The following DNAI3 variants were observed in gnomAD, a reference collection of about 807,000 sequenced individuals.
DNAI3 encodes dynein axonemal intermediate chain 3.
Under a neutral mutation model 115.5 loss-of-function variants are expected in DNAI3, and 83 were observed. The observed-to-expected ratio is 0.72, with a 90% confidence interval of 0.60 to 0.86. DNAI3 has a LOEUF of 0.86. DNAI3 is among the 40% of genes least tolerant of loss of function. The probability of loss-of-function intolerance (pLI) is 0.00; values close to 1 mark genes in which losing one functional copy is unlikely to be tolerated. For synonymous variants in DNAI3, 320 were observed against 347.0 expected, an observed-to-expected ratio of 0.92 and a Z score of 0.86; for missense variants, 1,004 against 1,075.8, an observed-to-expected ratio of 0.93 and a Z score of 0.93.
intron 3 of DNAI3, among the ~76,000 whole-genome samples, chr1:85,075,633 A>C (rs952269278): frequency 6.6e-6 from 1 of 152,148 alleles, no homozygotes; most frequent in Non-Finnish European, 1.5e-5. Flanking sequence ...TTTTCTAACA[A>C]GGAGCCAAGG....
intron 19 of DNAI3, among the ~76,000 whole-genome samples, 198 bp downstream of exon 19, chr1:85,124,449 AG>A (rs2100614631): frequency 6.6e-6 from 1 of 152,252 alleles, no homozygotes; most frequent in South Asian, 2.1e-4. Context: ...TTCCTTCCTG[AG>A]GGGAGAAAAC....
intron 16 of DNAI3, among the ~76,000 whole-genome samples, chr1:85,114,244 C>T (rs1348250950): frequency 6.6e-6 from 1 of 152,078 alleles, no homozygotes; most frequent in East Asian, 1.9e-4. Flanking sequence ...AACTCTTGAC[C>T]TCAGGTAATC....
intron 10 of DNAI3, among the ~76,000 whole-genome samples, chr1:85,095,106 A>T (rs560123353): frequency 6.6e-6 from 1 of 152,128 alleles, no homozygotes; most frequent in South Asian, 2.1e-4. Flanking sequence ...ACACACAAAA[A>T]CCCCACTCAA....
intron 1 of DNAI3, 114 bp from the exon 2 acceptor site, chr1:85,071,814 G>T: frequency 9.5e-7 from 1 of 1,055,508 alleles, no homozygotes; most frequent in Non-Finnish European, 1.4e-6. Context: ...TTAGCCCAGG[G>T]TAAATCTTAG....
intron 3 of DNAI3, among the ~76,000 whole-genome samples, chr1:85,078,357 C>G (rs11161520): frequency 0.57 from 86,672 of 152,096 alleles, 24,733 homozygotes; most frequent in Non-Finnish European, 0.58. Flanking sequence ...TAATAATACA[C>G]ATAAAGTGCT....
intron 1 of DNAI3, among the ~76,000 whole-genome samples, chr1:85,065,386 C>A (rs117432022): frequency 6.6e-6 from 1 of 152,042 alleles, no homozygotes; most frequent in Admixed American, 6.6e-5. Flanking sequence ...AAGATGCATG[C>A]GGTAGTAAAC....
chr1:85,116,501 A>G lies in DNAI3; in HGVS notation c.1787-1228A>G, dbSNP rs201653038. Among the ~76,000 whole-genome samples, 21 of 152,338 alleles carry G rather than the reference A, an allele frequency of 1.4e-4. 1 individual carries two copies. In the East Asian group the frequency reaches 4.0e-3, roughly 29 times the overall value. On this transcript the variant is annotated intron_variant, in intron 16 of 22. Coordinates refer to ENST00000294664, the MANE Select transcript of DNAI3 (RefSeq NM_145172.5). ...GAGTTCAGATTCTCAATGTATGTAT[A>G]TGTATTTACAAATTATATACATATT...
intron 5 of DNAI3, among the ~76,000 whole-genome samples, chr1:85,083,033 A>C (rs1333036923): frequency 6.6e-6 from 1 of 152,182 alleles, no homozygotes; most frequent in Non-Finnish European, 1.5e-5. Context: ...AAGGTGGGTA[A>C]GAAAGGTAAC....
At chr1:85,079,952 G>A (rs1237345869) in intron 3 of DNAI3, among the ~76,000 whole-genome samples, 4 of 151,684 alleles carry the variant, frequency 2.6e-5, no homozygotes, top group Admixed American at 2.6e-4. Flanking sequence ...GTGAGGAATT[G>A]AGTAACAGTA....
intron 7 of DNAI3, among the ~76,000 whole-genome samples, chr1:85,089,210 A>T (rs1654889275): frequency 6.6e-6 from 1 of 152,018 alleles, no homozygotes; most frequent in Admixed American, 6.6e-5. Flanking sequence ...TAGCTACTTG[A>T]ATAATTTCAT....
At chr1:85,078,631 T>C (rs1654535767) in intron 3 of DNAI3, among the ~76,000 whole-genome samples, 2 of 152,214 alleles carry the variant, frequency 1.3e-5, no homozygotes, top group African/African-American at 2.4e-5. Context: ...GCCTACCCAA[T>C]AGCAGTTGTT....
Position 85,117,868 on chromosome 1 carries a change from G to C in DNAI3, c.1917+9G>C, listed in dbSNP as rs1317064313. 1.2e-6 allele frequency: 2 copies of C among 1,608,084 alleles called. No homozygotes were observed. Among genetic ancestry groups the C allele is most frequent in the South Asian group, 1.1e-5 (1 of 89,492 alleles). On this transcript the variant is annotated intron_variant, in intron 17 of 22. Coordinates refer to ENST00000294664, the MANE Select transcript of DNAI3 (RefSeq NM_145172.5). ...TCTTTGTGGGAACAGAGGTAAATTG[G>C]GATTATCTGCTTTTAAAATTAATAC...
At chr1:85,100,566 G>A (rs1206647766) in intron 13 of DNAI3, among the ~76,000 whole-genome samples, 6 of 152,244 alleles carry the variant, frequency 3.9e-5, no homozygotes, top group African/African-American at 4.8e-5. Flanking sequence ...ACAGTGTGGC[G>A]ATTCCTCAAG....
At chr1:85,127,277 A>C (rs1656176070) in intron 20 of DNAI3, among the ~76,000 whole-genome samples, 1 of 152,218 alleles carries the variant, frequency 6.6e-6, no homozygotes, top group African/African-American at 2.4e-5. Context: ...TATGAGGAAA[A>C]ACTACTATAT....
intron 20 of DNAI3, among the ~76,000 whole-genome samples, chr1:85,128,148 AAAG>A (rs1557728767): frequency 8.4e-6 from 1 of 119,056 alleles, no homozygotes; most frequent in Non-Finnish European, 1.7e-5. Flanking sequence ...AAAAAAAAAA[AAAG>A]AAGAAGAAGA....
At chr1:85,130,404 T>C (rs1656276858) in intron 22 of DNAI3, among the ~76,000 whole-genome samples, 1 of 152,172 alleles carries the variant, frequency 6.6e-6, no homozygotes, top group Admixed American at 6.5e-5. Context: ...TAATATCTGG[T>C]GAATAATGCA....
chr1:85,077,210 G>A (rs532546715), intron 3 of DNAI3, among the ~76,000 whole-genome samples: 16 of 152,172 alleles, frequency 1.1e-4, no homozygotes, highest in Non-Finnish European at 2.4e-4. Flanking sequence ...CAGTGGAGAA[G>A]GGATAGTCTT....
intron 14 of DNAI3, among the ~76,000 whole-genome samples, chr1:85,106,221 G>A (rs1655487827): frequency 6.6e-6 from 1 of 152,064 alleles, no homozygotes; most frequent in South Asian, 2.1e-4. Context: ...TAACTTTGAT[G>A]AAACACCAAA....
At chr1:85,125,165 T>C (rs541791247) in intron 19 of DNAI3, among the ~76,000 whole-genome samples, 45 of 152,208 alleles carry the variant, frequency 3.0e-4, no homozygotes, top group African/African-American at 1.0e-3. Context: ...TTTGGTGGGA[T>C]TGTAAGTTGA....
Sources: allele counts gnomAD v4.1 joint callset (sites outside exome capture counted in the v4.1 genomes callset), GRCh38; gene constraint gnomAD v4.1.1; transcripts MANE v1.5; gene names NCBI Gene and HGNC (gene_info 2026-07-23, HGNC 2026-07-21).